Variants in MIA2 observed in about 807,000 individuals in gnomAD.
MIA2 encodes MIA SH3 domain ER export factor 2.
In MIA2, 127 loss-of-function variants were observed where a neutral mutation model predicts 167.8. That is an observed-to-expected ratio of 0.76 (90% CI 0.66 to 0.88). The LOEUF (loss-of-function observed/expected upper bound fraction) is 0.88. Ranked by LOEUF, MIA2 falls within the 40% of genes least tolerant of loss-of-function variation. The probability of loss-of-function intolerance (pLI) is 0.00; values close to 1 mark genes in which losing one functional copy is unlikely to be tolerated. For missense variants in MIA2, 1,690 were observed against 1,624.7 expected, an observed-to-expected ratio of 1.04 and a Z score of -0.69; for synonymous variants, 552 against 541.9, an observed-to-expected ratio of 1.02 and a Z score of -0.26.
intron 25 of MIA2, among the ~76,000 whole-genome samples, chr14:39,340,614 T>C (rs2071583038): frequency 6.6e-6 from 1 of 152,238 alleles, no homozygotes; most frequent in Non-Finnish European, 1.5e-5. Flanking sequence ...AAGGCTCATT[T>C]TGATCTCTTT....
At chr14:39,333,808 A>G (rs1278907259) in intron 25 of MIA2, among the ~76,000 whole-genome samples, 2 of 152,154 alleles carry the variant, frequency 1.3e-5, no homozygotes, top group African/African-American at 4.8e-5. Context: ...CTACCATACT[A>G]GAAATGGAAC....
intron 8 of MIA2, 29 bp from the exon 9 acceptor site, chr14:39,279,420 T>G: frequency 6.2e-7 from 1 of 1,602,160 alleles, no homozygotes; most frequent in Non-Finnish European, 8.5e-7. Flanking sequence ...AATAATTTAC[T>G]CATGGTAATA....
At chr14:39,304,452 ATGAAT>A (rs2063011645) in intron 17 of MIA2, 71 bp downstream of exon 17, 11 of 814,104 alleles carry the variant, frequency 1.4e-5, no homozygotes, top group South Asian at 2.0e-5. Flanking sequence ...AATGGTAAAA[ATGAAT>A]TGAATTAACT....
intron 6 of MIA2, chr14:39,269,073 AGTT>A: frequency 3.9e-5 from 14 of 362,086 alleles, no homozygotes; most frequent in Non-Finnish European, 4.7e-5. Flanking sequence ...TCACCTGCAC[AGTT>A]TTTTTTTTTT....
intron 15 of MIA2, among the ~76,000 whole-genome samples, chr14:39,302,826 T>TC: frequency 6.6e-6 from 1 of 152,290 alleles, no homozygotes; most frequent in East Asian, 1.9e-4. Context: ...AAATATGGCA[T>TC]CATAGGAAGT....
At chr14:39,267,282 G>C (rs1158940463) in intron 6 of MIA2, 37 of 1,451,926 alleles carry the variant, frequency 2.5e-5, no homozygotes, top group Non-Finnish European at 3.3e-5. Context: ...GCGTAGGCCT[G>C]TGAGGCCTGC....
downstream of MIA2, among the ~76,000 whole-genome samples, chr14:39,355,762 AG>A (rs2074506860): frequency 6.6e-6 from 1 of 152,202 alleles, no homozygotes; most frequent in Admixed American, 6.6e-5. Flanking sequence ...TTTGGCATGA[AG>A]GGCTGTTGAA....
At chr14:39,268,207 G>T (rs2056376541) in intron 6 of MIA2, among the ~76,000 whole-genome samples, 1 of 151,870 alleles carries the variant, frequency 6.6e-6, no homozygotes, top group Admixed American at 6.6e-5. Flanking sequence ...CATTTATGTC[G>T]CCGTGTTTTT....
At chr14:39,294,190 A>T (rs74692468) in intron 12 of MIA2, 119 bp downstream of exon 12, 34 of 514,220 alleles carry the variant, frequency 6.6e-5, no homozygotes, top group South Asian at 1.2e-4. Context: ...CCAGATATGT[A>T]TTTTTTTTTT....
intron 23 of MIA2, among the ~76,000 whole-genome samples, chr14:39,359,855 G>T (rs1219445973): frequency 6.6e-6 from 1 of 152,114 alleles, no homozygotes; most frequent in African/African-American, 2.4e-5. Flanking sequence ...CCAGTTAATG[G>T]CATTGCAGGA....
chr14:39,296,620 T>A (rs12892930), intron 13 of MIA2, among the ~76,000 whole-genome samples: 14 of 114,728 alleles, frequency 1.2e-4, no homozygotes, highest in South Asian at 2.8e-4. Flanking sequence ...TTTTTTTTTT[T>A]AATTTTTATT....
intron 23 of MIA2, among the ~76,000 whole-genome samples, chr14:39,363,065 G>A (rs2074725894): frequency 6.6e-6 from 1 of 152,040 alleles, no homozygotes; most frequent in African/African-American, 2.4e-5. Flanking sequence ...ATTCCATTGT[G>A]TTCTGATAAG....
intron 4 of MIA2, 21 bp downstream of exon 4, chr14:39,248,162 A>G: frequency 7.7e-7 from 1 of 1,299,988 alleles, no homozygotes; most frequent in Non-Finnish European, 1.0e-6. Context: ...AAATATTTAC[A>G]TTAGAATTTA....
chr14:39,360,667 T>A (rs1461073449), intron 23 of MIA2, among the ~76,000 whole-genome samples: 3 of 152,198 alleles, frequency 2.0e-5, no homozygotes, highest in Admixed American at 6.5e-5. Flanking sequence ...TTTATTATAG[T>A]CCCATCTGTC....
intron 23 of MIA2, chr14:39,385,324 T>TA (rs149444734): frequency 0.11 from 67,395 of 631,340 alleles, 1,469 homozygotes; most frequent in South Asian, 0.19. Flanking sequence ...AAATCCTCTT[T>TA]AAAAAAAAAA....
intron 23 of MIA2, among the ~76,000 whole-genome samples, chr14:39,357,847 A>T (rs915873520): frequency 2.7e-5 from 4 of 149,062 alleles, no homozygotes; most frequent in African/African-American, 1.0e-4. Flanking sequence ...TCTGGGTTGA[A>T]AATTCTTTTC....
intron 23 of MIA2, among the ~76,000 whole-genome samples, chr14:39,371,297 A>G (rs2074941094): frequency 6.6e-6 from 1 of 152,148 alleles, no homozygotes; most frequent in African/African-American, 2.4e-5. Flanking sequence ...TTGGGGCCAG[A>G]ATTTGGGGAA....
At chr14:39,314,661 A>G (rs2065008355) in intron 19 of MIA2, 78 bp from the exon 20 acceptor site, 1 of 1,001,270 alleles carries the variant, frequency 1.0e-6, no homozygotes, top group Non-Finnish European at 1.4e-6. Context: ...TTTTCTAATA[A>G]ATATTTTTTT....
intron 21 of MIA2, among the ~76,000 whole-genome samples, chr14:39,316,798 G>A (rs1013784728): frequency 3.3e-5 from 5 of 151,590 alleles, no homozygotes; most frequent in African/African-American, 1.2e-4. Flanking sequence ...ACTCTTTGAA[G>A]ATGGAGAGGT....
Sources: gnomAD v4.1 joint callset for allele counts (sites outside exome capture counted in the v4.1 genomes callset) on GRCh38, gnomAD v4.1.1 for gene constraint, MANE v1.5 for transcripts, NCBI Gene and HGNC (gene_info 2026-07-23, HGNC 2026-07-21) for gene names.